The following METTL25 variants were observed in gnomAD, a reference collection of about 807,000 sequenced individuals.
METTL25 encodes methyltransferase like 25.
METTL25 carries 64 observed loss-of-function variants against 71.6 expected under a neutral mutation model. The observed-to-expected ratio is 0.89, with a 90% confidence interval of 0.73 to 1.10. The LOEUF (loss-of-function observed/expected upper bound fraction) is 1.10, where lower values mean the gene tolerates loss of function less well. Ranked by LOEUF, METTL25 falls within the 50% of genes least tolerant of loss-of-function variation. The probability of loss-of-function intolerance (pLI) is 0.00; values close to 1 mark genes in which losing one functional copy is unlikely to be tolerated. For missense variants in METTL25, 807 were observed against 707.0 expected, an observed-to-expected ratio of 1.14 and a Z score of -1.60; for synonymous variants, 287 against 250.3, an observed-to-expected ratio of 1.15 and a Z score of -1.38.
chr12:82,466,443 G>T (rs1161122002), intron 9 of METTL25, among the ~76,000 whole-genome samples: 1 of 150,584 alleles, frequency 6.6e-6, no homozygotes. Context: ...TTATTCCATT[G>T]TGGTCAGATA....
chr12:82,475,354 T>C (rs1892824917), intron 9 of METTL25, among the ~76,000 whole-genome samples: 1 of 152,224 alleles, frequency 6.6e-6, no homozygotes, highest in Non-Finnish European at 1.5e-5. Context: ...TGGCAAACTT[T>C]TAAAAAGGAT....
chr12:82,386,078 A>G (rs576256370), intron 1 of METTL25, among the ~76,000 whole-genome samples: 1 of 152,262 alleles, frequency 6.6e-6, no homozygotes, highest in South Asian at 2.1e-4. Context: ...ACATTTACAC[A>G]CTAAGCTTAT....
intron 3 of METTL25, among the ~76,000 whole-genome samples, chr12:82,398,078 C>G (rs1404411427): frequency 6.6e-6 from 1 of 151,884 alleles, no homozygotes; most frequent in Non-Finnish European, 1.5e-5. Flanking sequence ...AGTATTGAGT[C>G]CACCATTTCA....
chr12:82,403,789 A>G (rs1016442015), intron 5 of METTL25, among the ~76,000 whole-genome samples: 12 of 152,156 alleles, frequency 7.9e-5, no homozygotes, highest in African/African-American at 2.7e-4. Flanking sequence ...TTTCCATAAG[A>G]TATTGTAAAA....
chr12:82,446,297 GTTAAAC>G (rs1409490943), intron 8 of METTL25, among the ~76,000 whole-genome samples: 4 of 152,122 alleles, frequency 2.6e-5, no homozygotes, highest in Non-Finnish European at 5.9e-5. Flanking sequence ...GAAACTTTGT[GTTAAAC>G]TACACTGTAG....
chr12:82,386,454 C>CCTCTCTCT (rs1193846849), intron 1 of METTL25, among the ~76,000 whole-genome samples: 1 of 135,854 alleles, frequency 7.4e-6, no homozygotes. Flanking sequence ...TCCCTCCCTC[C>CCTCTCTCT]CTCTCTCTCT....
intron 7 of METTL25, among the ~76,000 whole-genome samples, chr12:82,437,402 C>T (rs1889996507): frequency 6.6e-6 from 1 of 151,618 alleles, no homozygotes; most frequent in Non-Finnish European, 1.5e-5. Context: ...TCACAATGCT[C>T]TAAGAGTCTA....
At chr12:82,432,635 A>T (rs1042395227) in intron 6 of METTL25, among the ~76,000 whole-genome samples, 2 of 151,714 alleles carry the variant, frequency 1.3e-5, no homozygotes, top group African/African-American at 4.8e-5. Flanking sequence ...GTAAATATAG[A>T]ATTAGCAGAC....
At chr12:82,377,947 A>G (rs1490835485) in intron 1 of METTL25, among the ~76,000 whole-genome samples, 1 of 152,248 alleles carries the variant, frequency 6.6e-6, no homozygotes, top group Non-Finnish European at 1.5e-5. Context: ...GGTTGAAAAC[A>G]TTATTAGTAT....
At chr12:82,475,982 G>A (rs1892856756) in intron 9 of METTL25, among the ~76,000 whole-genome samples, 1 of 151,944 alleles carries the variant, frequency 6.6e-6, no homozygotes, top group Non-Finnish European at 1.5e-5. Flanking sequence ...TTGGATTAGG[G>A]ATACTCAACC....
At chr12:82,432,790 A>G (rs1319512560) in intron 6 of METTL25, among the ~76,000 whole-genome samples, 2 of 149,874 alleles carry the variant, frequency 1.3e-5, no homozygotes, top group African/African-American at 2.5e-5. Flanking sequence ...TTCTTTTAAT[A>G]TATCTTATTT....
At chr12:82,461,843 G>A (rs2058671128) in intron 9 of METTL25, among the ~76,000 whole-genome samples, 2 of 152,194 alleles carry the variant, frequency 1.3e-5, no homozygotes, top group Admixed American at 1.3e-4. Flanking sequence ...GTACTAAGAT[G>A]TATGCGATCT....
intron 3 of METTL25, among the ~76,000 whole-genome samples, chr12:82,398,243 TTTTA>T (rs1886256581): frequency 6.6e-6 from 1 of 151,476 alleles, no homozygotes; most frequent in African/African-American, 2.4e-5. Flanking sequence ...ACTTCCTAAT[TTTTA>T]TTTTTCTTTT....
intron 9 of METTL25, among the ~76,000 whole-genome samples, chr12:82,464,798 TA>T (rs1175536206): frequency 6.6e-6 from 1 of 151,928 alleles, no homozygotes; most frequent in Non-Finnish European, 1.5e-5. Flanking sequence ...CAGTGTTTTG[TA>T]GTTTTTCTTG....
chr12:82,441,006 A>G (rs2073894504), intron 8 of METTL25, among the ~76,000 whole-genome samples: 1 of 152,170 alleles, frequency 6.6e-6, no homozygotes, highest in Admixed American at 6.6e-5. Flanking sequence ...ACAGCTTTCA[A>G]TAGAAAGACA....
At chr12:82,396,175 A>G (rs946993269) in intron 3 of METTL25, among the ~76,000 whole-genome samples, 4 of 152,092 alleles carry the variant, frequency 2.6e-5, no homozygotes, top group African/African-American at 9.7e-5. Flanking sequence ...CCATAAGCAC[A>G]CTCAAAGATG....
chr12:82,381,949 T>C (rs1449689686), intron 1 of METTL25, among the ~76,000 whole-genome samples: 1 of 152,122 alleles, frequency 6.6e-6, no homozygotes, highest in Non-Finnish European at 1.5e-5. Context: ...AGTAGTGATG[T>C]GGGAGGGGGT....
Position 82,399,251 on chromosome 12 carries a change from C to G in METTL25, c.988C>G (p.Gln330Glu). 2 of 1,613,582 alleles carry G rather than the reference C, an allele frequency of 1.2e-6. No individual in the cohort carries two copies. The highest frequency in any genetic ancestry group is 1.7e-6 in the Non-Finnish European group (2 of 1,179,784). The stretch of plus-strand genomic sequence containing the variant: ...TGCTGTAGAGCCTACTTCTTCACAG[C>G]AAATACCCAACAGAGAAACATCTGA... Reference protein sequence around the residue: ...INAVEPTSSQQIPNRETSEAN... With the variant: ...INAVEPTSSQEIPNRETSEAN... Residue 330 changes from glutamine to glutamate, a missense_variant, in exon 4 of 12, where the codon CAA becomes GAA. Transcript: ENST00000248306.
intron 1 of METTL25, among the ~76,000 whole-genome samples, chr12:82,373,535 C>T (rs1456384629): frequency 6.6e-6 from 1 of 152,058 alleles, no homozygotes; most frequent in African/African-American, 2.4e-5. Context: ...GCGGGACTAG[C>T]CTTGGAGAAG....
Sources: gnomAD v4.1 joint callset for allele counts (sites outside exome capture counted in the v4.1 genomes callset) on GRCh38, gnomAD v4.1.1 for gene constraint, MANE v1.5 for transcripts, NCBI Gene and HGNC (gene_info 2026-07-23, HGNC 2026-07-21) for gene names.